The following GPC5 variants were observed in gnomAD, a reference collection of about 807,000 sequenced individuals.
GPC5 encodes the protein glypican 5, also known as glypican-5.
A neutral mutation model predicts 53.9 loss-of-function variants in GPC5; 47 were observed. The ratio of observed to expected loss-of-function variants is 0.87; its 90% CI spans 0.69 to 1.11. The LOEUF is 1.11. Among genes scored for constraint, GPC5 ranks in the 50% most tolerant of loss-of-function variants. GPC5 has a pLI of 0.00. For missense variants in GPC5, 748 were observed against 713.1 expected (o/e 1.05, Z -0.56); for synonymous variants, 286 against 263.3 (o/e 1.09, Z -0.84).
chr13:92,039,964 C>T (rs991412801), intron 6 of GPC5, among the ~76,000 whole-genome samples: 12 of 152,100 alleles, frequency 7.9e-5, no homozygotes, highest in South Asian at 2.1e-4. Context: ...CCTGTAATAT[C>T]GTTTGAATCA....
chr13:92,716,427 C>T (rs1339095372), intron 7 of GPC5, among the ~76,000 whole-genome samples: 1 of 151,834 alleles, frequency 6.6e-6, no homozygotes, highest in Non-Finnish European at 1.5e-5. Context: ...TTGACCACAT[C>T]TAGAAAGTCT....
At chr13:92,382,858 C>T (rs1040175500) in intron 7 of GPC5, among the ~76,000 whole-genome samples, 2 of 151,782 alleles carry the variant, frequency 1.3e-5, no homozygotes, top group African/African-American at 2.4e-5. Context: ...AAAAAATTAG[C>T]CAGGCGCGGT....
intron 6 of GPC5, among the ~76,000 whole-genome samples, chr13:91,912,879 G>GT (rs935815205): frequency 2.4e-4 from 37 of 151,982 alleles, no homozygotes; most frequent in African/African-American, 8.4e-4. Context: ...ATATTGCCAC[G>GT]TTTTTCTCAA....
intron 2 of GPC5, among the ~76,000 whole-genome samples, chr13:91,546,378 G>T (rs7325234): frequency 0.1 from 15,481 of 151,966 alleles, 845 homozygotes; most frequent in Middle Eastern, 0.14. Context: ...CATTAGATAT[G>T]CAAAAAAGGC....
chr13:92,355,176 T>C (rs1041855545), intron 7 of GPC5, among the ~76,000 whole-genome samples: 1 of 151,842 alleles, frequency 6.6e-6, no homozygotes, highest in Admixed American at 6.6e-5. Flanking sequence ...ATTATTCTCA[T>C]TAATAATTTA....
intron 7 of GPC5, among the ~76,000 whole-genome samples, chr13:92,269,707 G>A (rs1161026586): frequency 2.0e-5 from 3 of 152,104 alleles, no homozygotes; most frequent in East Asian, 1.9e-4. Flanking sequence ...CACCTGGCCC[G>A]AAGGGATCCT....
At chr13:91,882,670 G>GTTTTTTTTTTTTTTTTTTTTTTTGGTTT in intron 5 of GPC5, among the ~76,000 whole-genome samples, 1 of 59,320 alleles carries the variant, frequency 1.7e-5, no homozygotes, top group African/African-American at 7.1e-5. Context: ...TGTTTTTTGG[G>GTTTTTTTTTTTTTTTTTTTTTTTGGTTT]TTTTTTTTTT....
chr13:92,237,366 C>T (rs1243201131), intron 7 of GPC5, among the ~76,000 whole-genome samples: 4 of 151,942 alleles, frequency 2.6e-5, no homozygotes, highest in Non-Finnish European at 5.9e-5. Context: ...ACTACAGGCA[C>T]GCACCACCAA....
chr13:92,300,438 C>A (rs769369790), intron 7 of GPC5, among the ~76,000 whole-genome samples: 1 of 152,032 alleles, frequency 6.6e-6, no homozygotes, highest in Non-Finnish European at 1.5e-5. Context: ...TAGAGTGGAC[C>A]CCAAATTTGC....
rs553242518 is a variant in GPC5, at chr13:92,484,761, G to C, written c.1561+339772G>C. 5.3e-5 allele frequency: 8 copies of C among 151,922 alleles called. 1 individual carries two copies. Among genetic ancestry groups the C allele is most frequent in the African/African-American group, 1.9e-4 (8 of 41,414 alleles). The allele number at this position is 151,922 out of a possible 1,614,324, so 9.4% of individuals were successfully genotyped here. ...TTTTTTATTTTTTTTTTGAGACAGA[G>C]TCTCCTTCTGTCACTAAGGCTGGAG... On this transcript the variant is annotated intron_variant, in intron 7 of 7. Coordinates refer to ENST00000377067, the MANE Select transcript of GPC5 (RefSeq NM_004466.6).
intron 1 of GPC5, among the ~76,000 whole-genome samples, chr13:91,412,132 C>T (rs1877842608): frequency 6.6e-6 from 1 of 152,172 alleles, no homozygotes; most frequent in South Asian, 2.1e-4. Context: ...TAGCTTAATC[C>T]CCACCTACGC....
intron 7 of GPC5, among the ~76,000 whole-genome samples, chr13:92,574,360 A>G (rs1056740285): frequency 3.9e-5 from 6 of 152,198 alleles, no homozygotes; most frequent in Non-Finnish European, 8.8e-5. Flanking sequence ...AAATTGAGGC[A>G]ATACCTTCTT....
intron 2 of GPC5, among the ~76,000 whole-genome samples, chr13:91,559,040 C>T (rs1381237079): frequency 6.6e-6 from 1 of 151,892 alleles, no homozygotes; most frequent in Admixed American, 6.6e-5. Context: ...TGATTGGATC[C>T]TCACTGATAC....
At chr13:91,633,115 A>G (rs1185769929) in intron 2 of GPC5, among the ~76,000 whole-genome samples, 1 of 152,170 alleles carries the variant, frequency 6.6e-6, no homozygotes, top group African/African-American at 2.4e-5. Context: ...GTCGTTCTGT[A>G]TTTCTAAATT....
At chr13:92,766,937 A>G (rs1236767435) in intron 7 of GPC5, among the ~76,000 whole-genome samples, 1 of 152,204 alleles carries the variant, frequency 6.6e-6, no homozygotes, top group Admixed American at 6.5e-5. Context: ...TCTAGTTGCT[A>G]TGTTCCATGC....
At chr13:91,529,942 T>A (rs1886261139) in intron 2 of GPC5, among the ~76,000 whole-genome samples, 2 of 152,160 alleles carry the variant, frequency 1.3e-5, no homozygotes, top group Non-Finnish European at 2.9e-5. Context: ...GAAAGTTGTC[T>A]CTCTTTTTTT....
At chr13:92,677,505 T>C (rs1358683195) in intron 7 of GPC5, among the ~76,000 whole-genome samples, 1 of 152,234 alleles carries the variant, frequency 6.6e-6, no homozygotes, top group African/African-American at 2.4e-5. Context: ...CTGTGTTTGT[T>C]CCATGGACTT....
rs549233578 is a variant in GPC5, at chr13:91,827,044, A to G, written c.1280+70624A>G. Among the ~76,000 whole-genome samples, 4 of 152,092 alleles carry G rather than the reference A, an allele frequency of 2.6e-5. No individual in the cohort carries two copies. The South Asian group carries it at 8.3e-4, about 31-fold the overall frequency. ...CATAATAGGGTGAATTTAAGTAACA[A>G]TAAGTCTATATTTAAAAATAAAATA... On this transcript the variant is annotated intron_variant, in intron 5 of 7. Transcript: ENST00000377067.
At chr13:91,779,887 A>G (rs2037771417) in intron 5 of GPC5, among the ~76,000 whole-genome samples, 3 of 152,144 alleles carry the variant, frequency 2.0e-5, no homozygotes. Flanking sequence ...TTTTATAGTT[A>G]ACTTAAAAAA....
Sources: allele counts gnomAD v4.1 joint callset (sites outside exome capture counted in the v4.1 genomes callset), GRCh38; gene constraint gnomAD v4.1.1; transcripts MANE v1.5; gene names NCBI Gene and HGNC (gene_info 2026-07-23, HGNC 2026-07-21).